Variants in TMEM50B observed in about 807,000 individuals in gnomAD.
TMEM50B encodes transmembrane protein 50B, also known as HCV p7-trans-regulated protein 3.
A neutral mutation model predicts 23.4 loss-of-function variants in TMEM50B; 14 were observed. That is an observed-to-expected ratio of 0.60 (90% CI 0.39 to 0.93). TMEM50B has a LOEUF of 0.93. Among genes scored for constraint, TMEM50B ranks in the 40% least tolerant of loss-of-function variants. TMEM50B has a pLI of 0.00. For missense variants in TMEM50B, 159 were observed against 193.0 expected (o/e 0.82, Z 1.04); for synonymous variants, 64 against 62.3 (o/e 1.03, Z -0.13).
At chr21:33,436,708 A>C in intron 8 of TMEM50B, 1 of 760,454 alleles carries the variant, frequency 1.3e-6, no homozygotes, top group South Asian at 1.8e-5. Flanking sequence ...GGCAAGAGTA[A>C]GACTCCATCT....
intron 6 of TMEM50B, among the ~76,000 whole-genome samples, chr21:33,451,709 G>A (rs762786383): frequency 6.6e-6 from 1 of 152,170 alleles, no homozygotes; most frequent in Non-Finnish European, 1.5e-5. Context: ...TGTGAAGTAG[G>A]AATCTGGATA....
chr21:33,460,499 C>T lies in TMEM50B; in HGVS notation c.287G>A (p.Arg96Gln), dbSNP rs1322932682. 12 of 1,607,336 alleles carry T rather than the reference C, an allele frequency of 7.5e-6. No homozygotes were observed. The highest frequency in any genetic ancestry group is 6.7e-5 in the African/African-American group (5 of 74,476). The change falls in exon 5 of 7, where the codon CGA becomes CAA. Residue 96 changes from arginine to glutamine, a missense_variant. Coordinates refer to ENST00000542230, the MANE Select transcript of TMEM50B (RefSeq NM_006134.7). Reference protein sequence around the residue: ...ESGCLGRTGARVWLFIGFMLM... With the variant: ...ESGCLGRTGAQVWLFIGFMLM... ...CATGAAACCAATGAAAAGCCAAACT[C>T]GAGCACCTGTGTAGAGAAGAGGCTT...
intron 1 of TMEM50B, among the ~76,000 whole-genome samples, chr21:33,470,105 A>C (rs1340005355): frequency 1.8e-5 from 1 of 55,410 alleles, no homozygotes; most frequent in Non-Finnish European, 7.2e-5. Context: ...AGAAAGAAAT[A>C]AAAAAAAAAT....
Position 33,440,543 on chromosome 21 carries a change from G to A in TMEM50B, c.*2037-1246C>T, listed in dbSNP as rs76865672. Among the ~76,000 whole-genome samples, 882 of 151,818 alleles carry A rather than the reference G, an allele frequency of 5.8e-3. 10 individuals are homozygous for A. Among genetic ancestry groups the A allele is most frequent in the African/African-American group, 0.018 (741 of 41,378 alleles). ...GCAGAGGTTGCAGTGAGCAGAGATCGTGCCACTGCATGCCTGGTGACAGAG... is the reference window on the plus strand; with the variant it reads ...GCAGAGGTTGCAGTGAGCAGAGATCATGCCACTGCATGCCTGGTGACAGAG... On this transcript the variant is annotated intron_variant and NMD_transcript_variant, in intron 7 of 8. Transcript: ENST00000420455.
At chr21:33,463,913 G>A (rs988527068) in intron 4 of TMEM50B, among the ~76,000 whole-genome samples, 1 of 151,910 alleles carries the variant, frequency 6.6e-6, no homozygotes, top group Non-Finnish European at 1.5e-5. Context: ...GTGAGACTCC[G>A]TCTCAAAAAA....
intron 8 of TMEM50B, among the ~76,000 whole-genome samples, chr21:33,438,778 G>A (rs2083981884): frequency 6.6e-6 from 1 of 151,694 alleles, no homozygotes; most frequent in Admixed American, 6.6e-5. Context: ...CGCCCAGGCT[G>A]GAGCGCAGTG....
chr21:33,442,920 CAA>C (rs5843605), intron 7 of TMEM50B, among the ~76,000 whole-genome samples: 2 of 146,316 alleles, frequency 1.4e-5, no homozygotes, highest in Admixed American at 6.8e-5. Flanking sequence ...GACTCTGTCT[CAA>C]AAAAAAAAAC....
At chr21:33,432,993 C>T in intron 8 of TMEM50B, 1 of 824,054 alleles carries the variant, frequency 1.2e-6, no homozygotes, top group Non-Finnish European at 2.0e-6. Context: ...TCAAGCGATT[C>T]TCCTGCCTCA....
chr21:33,468,914 T>C lies in TMEM50B; in HGVS notation c.-29A>G, dbSNP rs1208862413. ...TACTTCTTAAGCATAAATTTTTCAT[T>C]AAATGCTGTATCCTACAAACAGAAA... is the stretch of plus-strand genomic sequence containing the variant. On this transcript the variant is annotated 5_prime_UTR_variant, in exon 2 of 7. Coordinates refer to ENST00000542230, the MANE Select transcript of TMEM50B (RefSeq NM_006134.7). The C allele has an allele frequency of 6.5e-7, 1 of 1,545,734 alleles. No homozygotes were observed. The highest frequency in any genetic ancestry group is 8.9e-7 in the Non-Finnish European group (1 of 1,119,842).
In TMEM50B at chr21:33,450,151, T is replaced by G. The variant is rs191537154; in HGVS notation, c.*667A>C. On this transcript the variant is annotated 3_prime_UTR_variant, in exon 7 of 7. Coordinates refer to ENST00000542230, the MANE Select transcript of TMEM50B (RefSeq NM_006134.7). Reference sequence around the variant, plus strand: ...TATGGCTCAGTGCTCATTCTAGATATATGAAGCTATATTTTTTTGTACATC... The same window carrying G: ...TATGGCTCAGTGCTCATTCTAGATAGATGAAGCTATATTTTTTTGTACATC... The G allele has an allele frequency of 2.0e-5, 3 of 151,924 alleles. No homozygotes were observed. The highest frequency in any genetic ancestry group is 6.6e-5 in the Admixed American group (1 of 15,190). The allele number at this position is 151,924 out of a possible 1,614,324, so 9.4% of individuals were successfully genotyped here.
intron 1 of TMEM50B, chr21:33,469,600 T>A (rs2084294290): frequency 6.6e-6 from 1 of 152,208 alleles, no homozygotes; most frequent in Admixed American, 6.6e-5. Flanking sequence ...ATGTAACTTC[T>A]CCATGCCACT....
chr21:33,469,171 G>C (rs934606985), intron 1 of TMEM50B, among the ~76,000 whole-genome samples: 1 of 152,114 alleles, frequency 6.6e-6, no homozygotes, highest in South Asian at 2.1e-4. Flanking sequence ...TAGGAGCTAG[G>C]TGCCGAGGTG....
Position 33,436,772 on chromosome 21 carries a change from G to A in TMEM50B, c.*2120+2442C>T. The stretch of plus-strand genomic sequence containing the variant: ...TAAAAACAAAAACTAAAGTTAAAAG[G>A]TCTGGTATACTGAACTGGTAAACTA... On this transcript the variant is annotated intron_variant and NMD_transcript_variant, in intron 8 of 8. Transcript: ENST00000420455. The A allele has an allele frequency of 2.1e-6, 3 of 1,421,560 alleles. No homozygotes were observed. The Admixed American group carries it at 5.1e-5, about 24-fold the overall frequency. 88.1% of individuals were successfully genotyped at this position (1,421,560 alleles called of 1,614,324 possible).
At chr21:33,441,016 G>A (rs2084003930) in intron 7 of TMEM50B, among the ~76,000 whole-genome samples, 1 of 152,096 alleles carries the variant, frequency 6.6e-6, no homozygotes, top group African/African-American at 2.4e-5. Flanking sequence ...GATCGCCTGA[G>A]GTCAGGAGTT....
rs1429824747 is a variant in TMEM50B at position 33,467,251 on chromosome 21, G to A, written c.100-129C>T. On this transcript the variant is annotated intron_variant, in intron 2 of 6. Coordinates refer to ENST00000542230, the MANE Select transcript of TMEM50B (RefSeq NM_006134.7). ...ACAGAGGCTCACGCCTGTAATCCCA[G>A]CACTTTGGGAGGCCAAGGCAGGTGG... is the stretch of plus-strand genomic sequence containing the variant. 7.4e-5 allele frequency: 56 copies of A among 756,766 alleles called. No individual in the cohort carries two copies. The East Asian group carries it at 1.5e-3, about 20-fold the overall frequency. The allele number at this position is 756,766 out of a possible 1,614,324, so 46.9% of individuals were successfully genotyped here.
At chr21:33,436,181 C>A (rs2123382348) in intron 8 of TMEM50B, among the ~76,000 whole-genome samples, 1 of 146,352 alleles carries the variant, frequency 6.8e-6, no homozygotes, top group Admixed American at 6.9e-5. Context: ...ACATGGGAAA[C>A]CCCGTCTCTA....
At chr21:33,470,416 CTG>C (rs1306773138) in intron 1 of TMEM50B, among the ~76,000 whole-genome samples, 14 of 80,978 alleles carry the variant, frequency 1.7e-4, no homozygotes, top group Admixed American at 1.4e-3. Context: ...CAAAGCGAGA[CTG>C]TGTCTCAAAA....
chr21:33,437,115 G>A (rs899617106), intron 8 of TMEM50B: 4 of 650,434 alleles, frequency 6.1e-6, no homozygotes, highest in Non-Finnish European at 1.1e-5. Flanking sequence ...AGGTCTCATG[G>A]GGGTGACAAG....
downstream of TMEM50B, among the ~76,000 whole-genome samples, chr21:33,448,361 T>A (rs770238242): frequency 6.6e-6 from 1 of 152,100 alleles, no homozygotes; most frequent in Admixed American, 6.6e-5. Context: ...AAAAACAAAT[T>A]CAGGGTTGGG....
Sources: allele counts gnomAD v4.1 joint callset (sites outside exome capture counted in the v4.1 genomes callset), GRCh38; gene constraint gnomAD v4.1.1; transcripts MANE v1.5; gene names NCBI Gene and HGNC (gene_info 2026-07-23, HGNC 2026-07-21).